HHLA1: variants seen among roughly 807,000 people sequenced by gnomAD.
The protein encoded by HHLA1 is HHLA1 neighbor of OC90.
A neutral mutation model predicts 69.9 loss-of-function variants in HHLA1; 72 were observed. The ratio of observed to expected loss-of-function variants is 1.03; its 90% CI spans 0.85 to 1.25. The LOEUF is 1.25. Ranked by LOEUF, HHLA1 falls within the 50% of genes most tolerant of loss-of-function variation. The pLI, the probability that HHLA1 is intolerant of heterozygous loss-of-function variation, is 0.00. For synonymous variants in HHLA1, 252 were observed against 233.2 expected (o/e 1.08, Z -0.73); for missense variants, 685 against 642.2 (o/e 1.07, Z -0.72).
chr8:132,065,333 G>A (rs1823415020), intron 16 of HHLA1, among the ~76,000 whole-genome samples: 1 of 152,202 alleles, frequency 6.6e-6, no homozygotes, highest in African/African-American at 2.4e-5. Flanking sequence ...CCAGGCTGGA[G>A]TGCAGTGGTG....
intron 3 of HHLA1, among the ~76,000 whole-genome samples, chr8:132,100,604 A>G (rs1824095955): frequency 6.6e-6 from 1 of 152,228 alleles, no homozygotes; most frequent in Non-Finnish European, 1.5e-5. Context: ...AAAGGCATTC[A>G]TTCGTTCTTC....
chr8:132,094,192 G>T (rs141982107), intron 7 of HHLA1, among the ~76,000 whole-genome samples: 3 of 152,068 alleles, frequency 2.0e-5, no homozygotes, highest in Non-Finnish European at 2.9e-5. Flanking sequence ...ATGGTGGAAG[G>T]GTTAATATTA....
chr8:132,074,970 CAGATAT>C lies in HHLA1; in HGVS notation c.1315+1079_1315+1084del, dbSNP rs1170877140. Among the ~76,000 whole-genome samples the C allele has an allele frequency of 4.6e-5, 7 of 152,194 alleles. No individual in the cohort carries two copies. The East Asian group carries it at 5.8e-4, about 13-fold the overall frequency. Reference sequence around the variant, plus strand: ...AGCTATAGATACATGGATATAGATACAGATATAGATATAGATATGGATATAGACACC... The same window carrying C: ...AGCTATAGATACATGGATATAGATACAGATATAGATATGGATATAGACACC... On this transcript the variant is annotated intron_variant, in intron 14 of 16. Transcript: ENST00000414222.
chr8:132,072,318 C>A lies in HHLA1; in HGVS notation c.1316-825G>T, dbSNP rs987343659. 2.0e-5 allele frequency among the ~76,000 whole-genome samples: 3 copies of A among 151,980 alleles called. No individual in the cohort carries two copies. In the East Asian group the frequency reaches 5.8e-4, roughly 29 times the overall value. ...TTTCCTTATATGGAAAATAGGGAGACCCATCCCTATCATATAGAATGACTG... is the reference window on the plus strand; with the variant it reads ...TTTCCTTATATGGAAAATAGGGAGAACCATCCCTATCATATAGAATGACTG... On this transcript the variant is annotated intron_variant, in intron 14 of 16. Transcript: ENST00000414222.
In HHLA1 at chr8:132,101,169, C is replaced by A. The variant is rs1174470874; in HGVS notation, c.140-1035G>T. The A allele has an allele frequency of 3.9e-6, 6 of 1,536,998 alleles. No individual in the cohort carries two copies. The African/African-American group carries it at 4.2e-5, about 11-fold the overall frequency. ...CATTTTGCAAATAGAAAACAACAAG[C>A]CACAGAGTCTGAAAAATGTGCCCTG... On this transcript the variant is annotated intron_variant, in intron 3 of 16. Coordinates refer to ENST00000414222, the MANE Select transcript of HHLA1 (RefSeq NM_001145095.3).
chr8:132,078,136 G>A (rs778512091), intron 11 of HHLA1, among the ~76,000 whole-genome samples, 165 bp from the exon 12 acceptor site: 2 of 150,846 alleles, frequency 1.3e-5, no homozygotes, highest in Non-Finnish European at 2.9e-5. Flanking sequence ...GAAATAAATG[G>A]ACCAAAGTAA....
At chr8:132,064,699 A>G (rs1823406713) in intron 16 of HHLA1, among the ~76,000 whole-genome samples, 3 of 152,176 alleles carry the variant, frequency 2.0e-5, no homozygotes, top group African/African-American at 7.2e-5. Context: ...GGAAACACAG[A>G]GAAGAGCCAG....
intron 7 of HHLA1, among the ~76,000 whole-genome samples, chr8:132,093,091 G>C (rs1452580205): frequency 6.6e-6 from 1 of 152,192 alleles, no homozygotes; most frequent in Admixed American, 6.5e-5. Flanking sequence ...CCTATATGTA[G>C]AGCAGGATGT....
At chr8:132,083,737 T>C (rs1310388739) in intron 10 of HHLA1, among the ~76,000 whole-genome samples, 5 of 152,182 alleles carry the variant, frequency 3.3e-5, no homozygotes, top group Non-Finnish European at 4.4e-5. Flanking sequence ...GAGGAACGCC[T>C]GGCCGCTGCG....
intron 6 of HHLA1, 38 bp from the exon 7 acceptor site, chr8:132,095,640 C>T (rs757132470): frequency 2.7e-5 from 41 of 1,530,752 alleles, no homozygotes; most frequent in Non-Finnish European, 3.4e-5. Context: ...TCCTAACACA[C>T]AGACCAGCCC....
At chr8:132,080,146 C>T (rs1260816017) in intron 10 of HHLA1, 180 bp from the exon 11 acceptor site, 1 of 838,344 alleles carries the variant, frequency 1.2e-6, no homozygotes, top group East Asian at 2.7e-5. Context: ...GCCTTTCTTC[C>T]ACCTCCAGCC....
At chr8:132,093,252 C>T (rs1823972547) in intron 7 of HHLA1, among the ~76,000 whole-genome samples, 1 of 152,078 alleles carries the variant, frequency 6.6e-6, no homozygotes, top group Non-Finnish European at 1.5e-5. Flanking sequence ...TAGTGACTAC[C>T]AGTGGATGGT....
At chr8:132,106,451 G>T (rs1411125932) in intron 1 of HHLA1, among the ~76,000 whole-genome samples, 3 of 152,212 alleles carry the variant, frequency 2.0e-5, no homozygotes, top group African/African-American at 7.2e-5. Flanking sequence ...GAAGCAAGAA[G>T]CTGGGGCTTT....
chr8:132,075,765 A>T (rs944090122), intron 14 of HHLA1, among the ~76,000 whole-genome samples: 45 of 152,192 alleles, frequency 3.0e-4, no homozygotes, highest in African/African-American at 1.0e-3. Flanking sequence ...ATACTTCCAA[A>T]CCACTTCCAC....
At chr8:132,082,846 T>A (rs1178946228) in intron 10 of HHLA1, among the ~76,000 whole-genome samples, 1 of 152,112 alleles carries the variant, frequency 6.6e-6, no homozygotes, top group Non-Finnish European at 1.5e-5. Context: ...AACTAACTTG[T>A]AAGGCTTGTC....
intron 3 of HHLA1, among the ~76,000 whole-genome samples, chr8:132,103,444 C>G (rs527372428): frequency 6.6e-6 from 1 of 152,184 alleles, no homozygotes; most frequent in South Asian, 2.1e-4. Context: ...ATGGTGAAAC[C>G]CTGTTTCTAA....
intron 10 of HHLA1, among the ~76,000 whole-genome samples, chr8:132,081,543 A>T (rs894714137): frequency 6.6e-6 from 1 of 152,208 alleles, no homozygotes; most frequent in Non-Finnish European, 1.5e-5. Flanking sequence ...GGCTGATTTG[A>T]CTAATAAAGG....
rs1419122158 is a variant in HHLA1, at chr8:132,087,865, C to G, written c.569G>C (p.Cys190Ser). The stretch of plus-strand genomic sequence containing the variant: ...TTTACCTGACTTTCCTGTCATCACA[C>G]AGATGAAGATGCAATCTGATTCATT... ...QSNESDCIFI[C>S]VMTGKSGRNL... The change falls in exon 9 of 17, where the codon TGT becomes TCT. Residue 190 changes from cysteine (C) to serine (S), a missense_variant. By Grantham distance (112) the Cys-to-Ser change is moderately radical (BLOSUM62 -1). Coordinates refer to ENST00000414222, the MANE Select transcript of HHLA1 (RefSeq NM_001145095.3). The G allele has an allele frequency of 1.9e-6, 3 of 1,551,532 alleles. No homozygotes were observed. The highest frequency in any genetic ancestry group is 1.4e-5 in the African/African-American group (1 of 73,042).
intron 5 of HHLA1, among the ~76,000 whole-genome samples, chr8:132,098,271 TTACAA>T (rs1824054211): frequency 6.6e-6 from 1 of 152,186 alleles, no homozygotes; most frequent in Non-Finnish European, 1.5e-5. Flanking sequence ...AGAAAGAAGA[TTACAA>T]TAATATTGTC....
Sources: gnomAD v4.1 joint callset for allele counts (sites outside exome capture counted in the v4.1 genomes callset) on GRCh38, gnomAD v4.1.1 for gene constraint, MANE v1.5 for transcripts, NCBI Gene and HGNC (gene_info 2026-07-23, HGNC 2026-07-21) for gene names.